The following CYP19A1 variants were observed in gnomAD, a reference collection of about 807,000 sequenced individuals.
CYP19A1 encodes the protein aromatase.
In CYP19A1, 32 loss-of-function variants were observed where a neutral mutation model predicts 44.4. That is an observed-to-expected ratio of 0.72 (90% CI 0.54 to 0.97). The LOEUF is 0.97. Among genes scored for constraint, CYP19A1 ranks in the 50% least tolerant of loss-of-function variants. CYP19A1 has a pLI of 0.00. For missense variants in CYP19A1, 598 were observed against 637.8 expected (o/e 0.94, Z 0.67); for synonymous variants, 212 against 215.6 (o/e 0.98, Z 0.14).
At chr15:51,231,459 A>G (rs1042154983) in intron 3 of CYP19A1, among the ~76,000 whole-genome samples, 5 of 152,146 alleles carry the variant, frequency 3.3e-5, no homozygotes, top group African/African-American at 1.2e-4. Context: ...GTCAATCATT[A>G]AAATTAAAAT....
intron 2 of CYP19A1, among the ~76,000 whole-genome samples, chr15:51,237,459 T>A (rs1170365363): frequency 1.3e-5 from 2 of 152,182 alleles, no homozygotes; most frequent in Non-Finnish European, 2.9e-5. Flanking sequence ...GTTGACACAA[T>A]GGGTGGGTTA....
At chr15:51,259,981 A>G (rs1192053991) in intron 1 of CYP19A1, among the ~76,000 whole-genome samples, 1 of 152,260 alleles carries the variant, frequency 6.6e-6, no homozygotes, top group Non-Finnish European at 1.5e-5. Context: ...CTTTAATGAT[A>G]CATCTAGAGA....
At chr15:51,231,414 C>T (rs936238115) in intron 3 of CYP19A1, among the ~76,000 whole-genome samples, 1 of 152,004 alleles carries the variant, frequency 6.6e-6, no homozygotes, top group Non-Finnish European at 1.5e-5. Flanking sequence ...ACTCATTTGA[C>T]AATTTTCTTA....
intron 1 of CYP19A1, among the ~76,000 whole-genome samples, chr15:51,308,849 G>A (rs1403892475): frequency 6.6e-6 from 1 of 152,162 alleles, no homozygotes; most frequent in Non-Finnish European, 1.5e-5. Context: ...ATTGCTGTAA[G>A]GGTGGTAAAA....
intron 1 of CYP19A1, among the ~76,000 whole-genome samples, chr15:51,265,652 G>A (rs1338711417): frequency 1.3e-5 from 2 of 152,124 alleles, no homozygotes; most frequent in African/African-American, 4.8e-5. Context: ...ATTTGCTTTC[G>A]TTGTCTTTAT....
At chr15:51,322,224 A>C (rs559545134) in intron 1 of CYP19A1, among the ~76,000 whole-genome samples, 92 of 152,316 alleles carry the variant, frequency 6.0e-4, no homozygotes, top group Non-Finnish European at 1.1e-3. Flanking sequence ...GTGAGTATGG[A>C]GATCTCTGCC....
Position 51,212,301 on chromosome 15 carries a change from T to A in CYP19A1, c.1263+19A>T, listed in dbSNP as rs1284503868. 2.6e-6 allele frequency: 4 copies of A among 1,555,930 alleles called. No individual in the cohort carries two copies. The South Asian group carries it at 4.4e-5, about 17-fold the overall frequency. Reference sequence around the variant, plus strand: ...CATTTTCAAGAGTGGCACACTCAGTTTTAAGGAAGGGCTCTTACATTCTTT... The same window carrying A: ...CATTTTCAAGAGTGGCACACTCAGTATTAAGGAAGGGCTCTTACATTCTTT... On this transcript the variant is annotated intron_variant, in intron 9 of 9. Coordinates refer to ENST00000396402, the MANE Select transcript of CYP19A1 (RefSeq NM_000103.4).
In CYP19A1 at chr15:51,315,690, T is replaced by G. The variant is rs1894307846; in HGVS notation, c.-39+22805A>C. ...GGCCCTCAAGGGCAGTGACTATTCC[T>G]CATGCTTCCCTGGATCTCCCTTCAG... On this transcript the variant is annotated intron_variant, in intron 1 of 9. Transcript: ENST00000396402. Among the ~76,000 whole-genome samples, 5 of 152,216 alleles carry G rather than the reference T, an allele frequency of 3.3e-5. No individual in the cohort carries two copies. In the South Asian group the frequency reaches 1.0e-3, roughly 32 times the overall value.
chr15:51,287,382 G>C (rs987705464), intron 1 of CYP19A1, among the ~76,000 whole-genome samples: 1 of 152,176 alleles, frequency 6.6e-6, no homozygotes, highest in Non-Finnish European at 1.5e-5. Context: ...TGTGTTCTCT[G>C]GCATATCAGG....
At chr15:51,213,513 A>T (rs2031242587) in intron 8 of CYP19A1, among the ~76,000 whole-genome samples, 1 of 152,066 alleles carries the variant, frequency 6.6e-6, no homozygotes, top group East Asian at 1.9e-4. Context: ...CAAGGGTCTA[A>T]TGGGGCCTGT....
intron 1 of CYP19A1, among the ~76,000 whole-genome samples, chr15:51,298,569 C>G (rs1165142012): frequency 6.6e-6 from 1 of 152,196 alleles, no homozygotes; most frequent in Admixed American, 6.5e-5. Context: ...AAAAAGCAGA[C>G]TAGATGGTTT....
chr15:51,214,640 C>T (rs2031384519), intron 8 of CYP19A1, among the ~76,000 whole-genome samples: 1 of 152,162 alleles, frequency 6.6e-6, no homozygotes, highest in South Asian at 2.1e-4. Context: ...ACAAGGTAGG[C>T]AGAACATTGT....
chr15:51,223,589 T>TCACACA lies in CYP19A1; in HGVS notation c.452-1065_452-1064insTGTGTG, dbSNP rs1324311926. The stretch of plus-strand genomic sequence containing the variant: ...CTCTCTTGCTCTCTCTCTCTCTCTC[T>TCACACA]CTCTCACACACACACACACACACAC... On this transcript the variant is annotated intron_variant, in intron 4 of 9. Coordinates refer to ENST00000396402, the MANE Select transcript of CYP19A1 (RefSeq NM_000103.4). Among the ~76,000 whole-genome samples the TCACACA allele has an allele frequency of 1.7e-3, 111 of 66,206 alleles. 1 individual carries two copies. Among genetic ancestry groups the TCACACA allele is most frequent in the African/African-American group, 5.6e-3 (109 of 19,458 alleles). 43.4% of individuals were successfully genotyped at this position (66,206 alleles called of 152,430 possible).
chr15:51,234,976 G>C (rs950768223), intron 3 of CYP19A1, among the ~76,000 whole-genome samples: 1 of 152,174 alleles, frequency 6.6e-6, no homozygotes, highest in African/African-American at 2.4e-5. Flanking sequence ...CTGAGGGAAA[G>C]AGGTGATGGG....
At chr15:51,336,022 G>A (rs906202628) in intron 1 of CYP19A1, among the ~76,000 whole-genome samples, 5 of 152,062 alleles carry the variant, frequency 3.3e-5, no homozygotes, top group African/African-American at 9.7e-5. Context: ...CCCTATCTTC[G>A]CCTAGTTTAC....
intron 2 of CYP19A1, among the ~76,000 whole-genome samples, chr15:51,238,654 C>T (rs1168457399): frequency 2.6e-5 from 4 of 152,014 alleles, no homozygotes; most frequent in Non-Finnish European, 2.9e-5. Context: ...ACACCCAGCC[C>T]GCCATGTAAA....
chr15:51,275,594 T>A (rs1377447233), intron 1 of CYP19A1, among the ~76,000 whole-genome samples: 1 of 152,182 alleles, frequency 6.6e-6, no homozygotes, highest in Non-Finnish European at 1.5e-5. Context: ...CACGGAGACT[T>A]CTGGACAGTT....
At chr15:51,211,116 T>A (rs2030932407) in intron 9 of CYP19A1, 60 bp from the exon 10 acceptor site, 2 of 1,174,464 alleles carry the variant, frequency 1.7e-6, no homozygotes, top group Non-Finnish European at 2.6e-6. Flanking sequence ...TCAGTCTCTG[T>A]TTGATTCATT....
At chr15:51,247,598 A>G (rs1455498210) in intron 1 of CYP19A1, among the ~76,000 whole-genome samples, 3 of 152,056 alleles carry the variant, frequency 2.0e-5, no homozygotes, top group Admixed American at 6.6e-5. Flanking sequence ...TCAGTTCCCA[A>G]GTAGCTAGGA....
Sources: allele counts gnomAD v4.1 joint callset (sites outside exome capture counted in the v4.1 genomes callset), GRCh38; gene constraint gnomAD v4.1.1; transcripts MANE v1.5; gene names NCBI Gene and HGNC (gene_info 2026-07-23, HGNC 2026-07-21).